GALC: variants seen among roughly 807,000 people sequenced by gnomAD.
The protein encoded by GALC is galactosylceramidase.
A neutral mutation model predicts 91.8 loss-of-function variants in GALC; 77 were observed. The ratio of observed to expected loss-of-function variants is 0.84; its 90% CI spans 0.70 to 1.01. The LOEUF (loss-of-function observed/expected upper bound fraction) is 1.01, where lower values mean the gene tolerates loss of function less well. Ranked by LOEUF, GALC falls within the 50% of genes least tolerant of loss-of-function variation. The pLI, the probability that GALC is intolerant of heterozygous loss-of-function variation, is 0.00. For synonymous variants in GALC, 357 were observed against 306.7 expected (o/e 1.16, Z -1.71); for missense variants, 882 against 855.9 (o/e 1.03, Z -0.38).
chr14:87,948,696 C>T (rs969198438), intron 12 of GALC, among the ~76,000 whole-genome samples: 1 of 151,840 alleles, frequency 6.6e-6, no homozygotes, highest in Non-Finnish European at 1.5e-5. Context: ...CCGTTATATT[C>T]AGGTTGAAGA....
intron 7 of GALC, among the ~76,000 whole-genome samples, chr14:87,972,035 A>G (rs1294951774): frequency 6.6e-6 from 1 of 152,210 alleles, no homozygotes; most frequent in African/African-American, 2.4e-5. Flanking sequence ...CAAGCACAAC[A>G]TGAATGAGGC....
intron 10 of GALC, among the ~76,000 whole-genome samples, chr14:87,955,679 G>A (rs1446844259): frequency 6.6e-6 from 1 of 152,002 alleles, no homozygotes; most frequent in African/African-American, 2.4e-5. Flanking sequence ...CAAGACAAGC[G>A]TGTCTTTCTA....
intron 10 of GALC, chr14:87,953,376 T>C (rs934396840): frequency 7.0e-6 from 10 of 1,427,402 alleles, no homozygotes; most frequent in Admixed American, 1.7e-5. Flanking sequence ...AACTTGATGA[T>C]TTTACAGAAG....
chr14:87,967,220 G>A (rs74859377), intron 8 of GALC, among the ~76,000 whole-genome samples: 17,205 of 152,198 alleles, frequency 0.11, 1,142 homozygotes, highest in Non-Finnish European at 0.16. Flanking sequence ...TCTATAGTAT[G>A]GTCTCAATTT....
At chr14:87,951,744 A>C (rs1156240638) in intron 10 of GALC, among the ~76,000 whole-genome samples, 1 of 152,004 alleles carries the variant, frequency 6.6e-6, no homozygotes, top group Non-Finnish European at 1.5e-5. Flanking sequence ...TCAATAGATC[A>C]AAGGAAAAAT....
intron 1 of GALC, among the ~76,000 whole-genome samples, chr14:87,991,169 T>C (rs1033756652): frequency 2.0e-5 from 3 of 152,152 alleles, no homozygotes; most frequent in Non-Finnish European, 2.9e-5. Context: ...ACATTCTTTT[T>C]GTTTTGTTTC....
At chr14:87,971,953 T>C (rs1027170864) in intron 7 of GALC, among the ~76,000 whole-genome samples, 3 of 152,036 alleles carry the variant, frequency 2.0e-5, no homozygotes, top group Admixed American at 6.6e-5. Flanking sequence ...CTAAGAAGAA[T>C]GGGGCCCAGC....
chr14:87,970,875 CAAAAAAA>C (rs557589251), intron 7 of GALC, among the ~76,000 whole-genome samples: 22 of 62,980 alleles, frequency 3.5e-4, no homozygotes, highest in Non-Finnish European at 3.9e-4. Context: ...GACTCTGTCT[CAAAAAAA>C]AAAAAAAAAA....
At chr14:87,975,789 C>T (rs1447222171) in intron 7 of GALC, among the ~76,000 whole-genome samples, 1 of 151,800 alleles carries the variant, frequency 6.6e-6, no homozygotes, top group Non-Finnish European at 1.5e-5. Context: ...CATACATATC[C>T]TATTTTTCAA....
At chr14:87,985,868 C>G (rs1886946813) in intron 4 of GALC, among the ~76,000 whole-genome samples, 1 of 152,192 alleles carries the variant, frequency 6.6e-6, no homozygotes, top group Admixed American at 6.5e-5. Flanking sequence ...AGCCAATGAT[C>G]CTCCCAATAG....
In GALC at chr14:87,935,001, ACAG is replaced by A. The variant is rs1047619650; in HGVS notation, c.1912-126_1912-124del. On this transcript the variant is annotated intron_variant, in intron 16 of 16. Coordinates refer to ENST00000261304, the MANE Select transcript of GALC (RefSeq NM_000153.4). ...TGTACTACTCACTCAAGACTTAACCACAGCAAAACACAATTCCACAAGTTTGAG... is the reference window on the plus strand; with the variant it reads ...TGTACTACTCACTCAAGACTTAACCACAAAACACAATTCCACAAGTTTGAG... 4.0e-5 allele frequency: 28 copies of A among 695,818 alleles called. No homozygotes were observed. The African/African-American group carries it at 4.8e-4, about 12-fold the overall frequency. The allele number at this position is 695,818 out of a possible 1,614,324, so 43.1% of individuals were successfully genotyped here. A position where few individuals can be genotyped will look rare whatever the true frequency, so the allele number is the denominator to read the frequency against.
chr14:87,938,250 C>T (rs1416644680), intron 16 of GALC, among the ~76,000 whole-genome samples: 1 of 151,918 alleles, frequency 6.6e-6, no homozygotes, highest in Admixed American at 6.6e-5. Context: ...AGTAGGAAAA[C>T]ACATGAACAA....
At chr14:87,938,029 C>T (rs984484452) in intron 16 of GALC, among the ~76,000 whole-genome samples, 1 of 151,590 alleles carries the variant, frequency 6.6e-6, no homozygotes, top group Non-Finnish European at 1.5e-5. Context: ...AAAGTCAAAT[C>T]GAATAATATA....
intron 6 of GALC, chr14:87,980,600 A>T: frequency 1.8e-6 from 1 of 554,510 alleles, no homozygotes; most frequent in Non-Finnish European, 2.3e-6. Context: ...ATTACACATC[A>T]CCTCCTCTAA....
At chr14:87,948,268 T>C (rs1304894152) in intron 12 of GALC, among the ~76,000 whole-genome samples, 2 of 152,038 alleles carry the variant, frequency 1.3e-5, no homozygotes, top group African/African-American at 4.8e-5. Context: ...ATTCATAAAA[T>C]ATCACTGTCG....
At chr14:87,956,400 T>C (rs1396766032) in intron 10 of GALC, among the ~76,000 whole-genome samples, 1 of 151,872 alleles carries the variant, frequency 6.6e-6, no homozygotes, top group Non-Finnish European at 1.5e-5. Context: ...ATATACGAGT[T>C]GCTACCATAT....
intron 14 of GALC, among the ~76,000 whole-genome samples, chr14:87,942,181 A>T (rs1166453040): frequency 6.6e-6 from 1 of 151,962 alleles, no homozygotes; most frequent in Non-Finnish European, 1.5e-5. Context: ...CACTGGCCCT[A>T]CCCCACAGCG....
In GALC at chr14:87,949,906, C is replaced by T. The variant is rs1415266884; in HGVS notation, c.1277G>A (p.Trp426Ter). 2 of 1,587,506 alleles carry T rather than the reference C, an allele frequency of 1.3e-6. No individual in the cohort carries two copies. Among genetic ancestry groups the T allele is most frequent in the South Asian group, 1.1e-5 (1 of 90,516 alleles). Residue 426 changes from tryptophan (W) to a stop codon, truncating the protein, a stop_gained, in exon 12 of 17, where the codon TGG becomes TAG. Transcript: ENST00000261304. LOFTEE classifies it high-confidence loss of function. The part of the protein sequence containing the change: ...SFSEIPELQV[W>*]YTKLGKTSER... ...GGATGTTTTTCCAAGTTTGGTATAC[C>T]ATACCTGTAGCTCTGGTATTTCACT... is the stretch of plus-strand genomic sequence containing the variant.
intron 1 of GALC, 104 bp downstream of exon 1, chr14:87,992,866 T>C (rs1192379034): frequency 1.4e-6 from 2 of 1,400,084 alleles, no homozygotes; most frequent in Admixed American, 3.0e-5. Flanking sequence ...CGGCGGAGAG[T>C]GGAGCCGGTG....
Sources: allele counts gnomAD v4.1 joint callset (sites outside exome capture counted in the v4.1 genomes callset), GRCh38; gene constraint gnomAD v4.1.1; transcripts MANE v1.5; gene names NCBI Gene and HGNC (gene_info 2026-07-23, HGNC 2026-07-21).